FBXO8: variants seen among roughly 807,000 people sequenced by gnomAD.
FBXO8 encodes F-box only protein 8.
In FBXO8, 15 loss-of-function variants were observed where a neutral mutation model predicts 33.4. The observed-to-expected ratio is 0.45, with a 90% CI of 0.30 to 0.69. The LOEUF is 0.69. Ranked by LOEUF, FBXO8 falls within the 30% of genes least tolerant of loss-of-function variation. The pLI is 0.08. For missense variants in FBXO8, 274 were observed against 380.3 expected (o/e 0.72, Z 2.32); for synonymous variants, 132 against 131.5 (o/e 1.00, Z -0.02).
rs143930192 is a variant in FBXO8 at position 174,275,053 on chromosome 4, C to T, written c.-9+8357G>A. Among the ~76,000 whole-genome samples, 542 of 152,142 alleles carry T rather than the reference C, an allele frequency of 3.6e-3. 2 individuals are homozygous for T. Among genetic ancestry groups the T allele is most frequent in the African/African-American group, 5.8e-3 (241 of 41,502 alleles). ...AAATATTTGTAAACCACATATCTGACGGACGAGTATCTAGAATATATAAAC... is the reference window on the plus strand; with the variant it reads ...AAATATTTGTAAACCACATATCTGATGGACGAGTATCTAGAATATATAAAC... On this transcript the variant is annotated intron_variant, in intron 1 of 5. Coordinates refer to ENST00000393674, the MANE Select transcript of FBXO8 (RefSeq NM_012180.3). This position sits in a 1 kb window ranked among gnomAD's most constrained non-coding sequence, Gnocchi z 4.4.
chr4:174,239,993 T>G (rs1337959659), intron 4 of FBXO8, among the ~76,000 whole-genome samples: 1 of 151,660 alleles, frequency 6.6e-6, no homozygotes, highest in Non-Finnish European at 1.5e-5. Flanking sequence ...AGATCTGGCC[T>G]GCTGCCTGCT....
rs771440663 is a variant in FBXO8 at position 174,238,985 on chromosome 4, T to C, written c.772+9A>G. On this transcript the variant is annotated intron_variant, in intron 5 of 5. Transcript: ENST00000393674. ...GGGGGTGATGTACTATTAATATATA[T>C]ATTCTTACCAGGACTAAGGCCAAGT... 4 of 1,504,052 alleles carry C rather than the reference T, an allele frequency of 2.7e-6. No homozygotes were observed. Among genetic ancestry groups the C allele is most frequent in the African/African-American group, 1.4e-5 (1 of 70,510 alleles). 93.2% of individuals were successfully genotyped at this position (1,504,052 alleles called of 1,614,324 possible).
At chr4:174,279,767 C>A (rs551334238) in intron 1 of FBXO8, among the ~76,000 whole-genome samples, 1 of 152,094 alleles carries the variant, frequency 6.6e-6, no homozygotes, top group Admixed American at 6.5e-5. Context: ...GTCTTTTCAA[C>A]AAATGGTGCT....
intron 1 of FBXO8, among the ~76,000 whole-genome samples, chr4:174,276,366 T>C (rs920496258): frequency 6.6e-6 from 1 of 152,060 alleles, no homozygotes. Flanking sequence ...GTCTCCCGAG[T>C]AGCTGGGACT....
intron 3 of FBXO8, among the ~76,000 whole-genome samples, chr4:174,248,009 T>C (rs1030791993): frequency 6.6e-6 from 1 of 152,100 alleles, no homozygotes; most frequent in Non-Finnish European, 1.5e-5. Flanking sequence ...AATATTTATC[T>C]GAGGATATTT....
At chr4:174,280,230 G>C (rs1737047684) in intron 1 of FBXO8, among the ~76,000 whole-genome samples, 1 of 151,812 alleles carries the variant, frequency 6.6e-6, no homozygotes, top group Non-Finnish European at 1.5e-5. Context: ...ATAAGCACAG[G>C]AAAATACAGT....
Position 174,241,021 on chromosome 4 carries a change from ATTAGTT to A in FBXO8, c.575+73_575+78del. The A allele has an allele frequency of 1.3e-6, 1 of 767,264 alleles. No individual in the cohort carries two copies. Among genetic ancestry groups the A allele is most frequent in the Non-Finnish European group, 2.1e-6 (1 of 469,228 alleles). The allele number at this position is 767,264 out of a possible 1,614,324, so 47.5% of individuals were successfully genotyped here. A position where few individuals can be genotyped will look rare whatever the true frequency, so the allele number is the denominator to read the frequency against. ...TGCAACCAGATGATTACTATGCAGT[ATTAGTT>A]TTAAAGTAAAACTTAACTCATCAAA... is the stretch of plus-strand genomic sequence containing the variant. On this transcript the variant is annotated intron_variant, in intron 4 of 5. Transcript: ENST00000393674. This position sits in a 1 kb window ranked among gnomAD's most constrained non-coding sequence, Gnocchi z 4.2.
chr4:174,282,785 T>C (rs575620655), intron 1 of FBXO8, among the ~76,000 whole-genome samples: 1 of 152,334 alleles, frequency 6.6e-6, no homozygotes, highest in East Asian at 1.9e-4. Context: ...AGTAAATTCA[T>C]ACAGAACCTA....
chr4:174,265,450 T>C lies in FBXO8; in HGVS notation c.-8-2350A>G, dbSNP rs1194452593. Among the ~76,000 whole-genome samples the C allele has an allele frequency of 2.0e-5, 3 of 152,192 alleles. No homozygotes were observed. In the East Asian group the frequency reaches 5.8e-4, roughly 29 times the overall value. ...TCAAATCCTGTAAGCAACTACGATG[T>C]ACTTCATTATGCGAATGTATAAATA... On this transcript the variant is annotated intron_variant, in intron 1 of 5. Transcript: ENST00000393674. This position sits in a 1 kb window ranked among gnomAD's most constrained non-coding sequence, Gnocchi z 4.7.
chr4:174,244,653 A>G (rs1736118243), intron 3 of FBXO8, among the ~76,000 whole-genome samples: 1 of 151,734 alleles, frequency 6.6e-6, no homozygotes, highest in Non-Finnish European at 1.5e-5. Flanking sequence ...TAGTACTATC[A>G]TGGGCTGAAA....
At position 174,241,592 on chromosome 4, in the gene FBXO8, A is replaced by T. The variant is rs1736040402; in HGVS notation, c.457-374T>A. 6.6e-6 allele frequency among the ~76,000 whole-genome samples: 1 copy of T among 151,596 alleles called. No individual in the cohort carries two copies. The highest frequency in any genetic ancestry group is 2.4e-5 in the African/African-American group (1 of 41,418). The stretch of plus-strand genomic sequence containing the variant: ...ACACTTCTGCTGTCTAATACAAAAC[A>T]TGATTTCTTAAAGCTCACATATATA... On this transcript the variant is annotated intron_variant, in intron 3 of 5. Coordinates refer to ENST00000393674, the MANE Select transcript of FBXO8 (RefSeq NM_012180.3). This position sits in a 1 kb window ranked among gnomAD's most constrained non-coding sequence, Gnocchi z 4.2.
chr4:174,267,431 T>G lies in FBXO8; in HGVS notation c.-8-4331A>C, dbSNP rs937462829. 6.6e-6 allele frequency among the ~76,000 whole-genome samples: 1 copy of G among 152,094 alleles called. No homozygotes were observed. The highest frequency in any genetic ancestry group is 1.5e-5 in the Non-Finnish European group (1 of 67,996). On this transcript the variant is annotated intron_variant, in intron 1 of 5. Transcript: ENST00000393674. This position sits in a 1 kb window ranked among gnomAD's most constrained non-coding sequence, Gnocchi z 4.7. ...GTGCGATGGTGCATACCTGTAGTCC[T>G]ATCCACTCAGGAGTCTGAGGCAGGA... is the stretch of plus-strand genomic sequence containing the variant.
intron 1 of FBXO8, among the ~76,000 whole-genome samples, chr4:174,266,526 T>TTCCCTATTA (rs1449018481): frequency 2.0e-5 from 3 of 152,162 alleles, no homozygotes; most frequent in Non-Finnish European, 2.9e-5. Context: ...ATTCCCTATC[T>TTCCCTATTA]TCCTTAGCAT....
intron 1 of FBXO8, among the ~76,000 whole-genome samples, chr4:174,280,151 A>G (rs1737046306): frequency 6.6e-6 from 1 of 152,172 alleles, no homozygotes; most frequent in Admixed American, 6.5e-5. Flanking sequence ...AACAATAACA[A>G]AAACATGATT....
Position 174,237,398 on chromosome 4 carries a change from A to G in FBXO8, c.*14T>C. 1 of 1,605,232 alleles carries G rather than the reference A, an allele frequency of 6.2e-7. No individual in the cohort carries two copies. The highest frequency in any genetic ancestry group is 1.3e-5 in the African/African-American group (1 of 74,874). On this transcript the variant is annotated 3_prime_UTR_variant, in exon 6 of 6. Transcript: ENST00000393674. The surrounding 1 kb of genome is among the most constrained non-coding windows in gnomAD (Gnocchi z 4.4). ...AGTCTGAAGTAAAAACTGAAGTCCT[A>G]GCAATTGTGCTTTTTATGCAGCCAC...
intron 2 of FBXO8, among the ~76,000 whole-genome samples, chr4:174,260,777 A>G (rs1736540362): frequency 6.6e-6 from 1 of 152,032 alleles, no homozygotes; most frequent in South Asian, 2.1e-4. Flanking sequence ...TTCTAGAGAA[A>G]CAGAGAATAC....
Position 174,274,113 on chromosome 4 carries a change from T to C in FBXO8, c.-9+9297A>G, listed in dbSNP as rs1012290749. ...TTCACCACTGGTTCTCATCTCTTTTTACCCCGTCACTGTTTATTACCTCCA... is the reference window on the plus strand; with the variant it reads ...TTCACCACTGGTTCTCATCTCTTTTCACCCCGTCACTGTTTATTACCTCCA... On this transcript the variant is annotated intron_variant, in intron 1 of 5. Transcript: ENST00000393674. This position sits in a 1 kb window ranked among gnomAD's most constrained non-coding sequence, Gnocchi z 4.0. Among the ~76,000 whole-genome samples, 2 of 152,224 alleles carry C rather than the reference T, an allele frequency of 1.3e-5. No individual in the cohort carries two copies. Among genetic ancestry groups the C allele is most frequent in the Non-Finnish European group, 2.9e-5 (2 of 68,038 alleles).
Position 174,251,761 on chromosome 4 carries a change from T to G in FBXO8, c.456+7938A>C, listed in dbSNP as rs149215210. ...CTATTTAGTGTCTGAGAGGCATAAT[T>G]TTTCACTTTGACTCTAATGCTGATC... On this transcript the variant is annotated intron_variant, in intron 3 of 5. Coordinates refer to ENST00000393674, the MANE Select transcript of FBXO8 (RefSeq NM_012180.3). This position sits in a 1 kb window ranked among gnomAD's most constrained non-coding sequence, Gnocchi z 4.2. Among the ~76,000 whole-genome samples the G allele has an allele frequency of 6.6e-6, 1 of 152,104 alleles. No homozygotes were observed. Among genetic ancestry groups the G allele is most frequent in the Admixed American group, 6.5e-5 (1 of 15,270 alleles).
At position 174,256,271 on chromosome 4, in the gene FBXO8, G is replaced by A. The variant is rs188148369; in HGVS notation, c.456+3428C>T. ...AAGCAATTATATACATCTTATCTCA[G>A]GTACTTGCAAAAAGCATCACATATT... On this transcript the variant is annotated intron_variant, in intron 3 of 5. Transcript: ENST00000393674. The surrounding 1 kb of genome is among the most constrained non-coding windows in gnomAD (Gnocchi z 4.6). The A allele has an allele frequency of 1.6e-3, 584 of 364,958 alleles. 2 individuals carry two copies. The highest frequency in any genetic ancestry group is 6.0e-3 in the Middle Eastern group (6 of 998). 22.6% of individuals were successfully genotyped at this position (364,958 alleles called of 1,614,324 possible). A position where few individuals can be genotyped will look rare whatever the true frequency, so the allele number is the denominator to read the frequency against.
Sources: allele counts gnomAD v4.1 joint callset (sites outside exome capture counted in the v4.1 genomes callset), GRCh38; gene constraint gnomAD v4.1.1; non-coding constraint Gnocchi (gnomAD v3.1); transcripts MANE v1.5; gene names NCBI Gene and HGNC (gene_info 2026-07-23, HGNC 2026-07-21).